PPP1R9A: variants seen among roughly 807,000 people sequenced by gnomAD.
PPP1R9A encodes neurabin-1.
A neutral mutation model predicts 141.9 loss-of-function variants in PPP1R9A; 59 were observed. The observed-to-expected ratio is 0.42, with a 90% CI of 0.34 to 0.52. The LOEUF is 0.52. Among genes scored for constraint, PPP1R9A ranks in the 20% least tolerant of loss-of-function variants. PPP1R9A has a pLI of 0.10. For missense variants in PPP1R9A, 1,444 were observed against 1,611.9 expected (o/e 0.90, Z 1.78); for synonymous variants, 500 against 569.7 (o/e 0.88, Z 1.74).
chr7:95,076,109 C>A (rs190383349), intron 2 of PPP1R9A, among the ~76,000 whole-genome samples: 52 of 152,200 alleles, frequency 3.4e-4, no homozygotes, highest in Admixed American at 3.0e-3. Context: ...CACTCTGTTG[C>A]CCAGTCTAGT....
chr7:95,097,467 C>T (rs111692147), intron 2 of PPP1R9A, among the ~76,000 whole-genome samples: 1,709 of 152,308 alleles, frequency 0.011, 16 homozygotes, highest in Non-Finnish European at 0.018. Context: ...TTCACAGGCT[C>T]AGTAGTTTGA....
At position 94,910,379 on chromosome 7, in the gene PPP1R9A, G is replaced by C. The variant is rs1490109177; in HGVS notation, c.266G>C (p.Gly89Ala). ...ENAAVIAKTR[G>A]KGGHSSPQRR... ...GCTGCAGTCATTGCCAAAACAAGGG[G>C]GAAAGGTGGACATTCATCTCCTCAG... The change falls in exon 2 of 20, where the codon GGG (glycine) becomes GCG (alanine). Residue 89 changes from glycine (G) to alanine (A), a missense_variant. Gly to Ala is a moderately conservative substitution (Grantham distance 60). This residue lies in a region of PPP1R9A where 490 missense variants were observed against 521.1 expected (regional missense o/e 0.94). Coordinates refer to ENST00000433360, the MANE Select transcript of PPP1R9A (RefSeq NM_001166160.2). The surrounding 1 kb of genome is among the most constrained non-coding windows in gnomAD (Gnocchi z 4.5). 1.2e-6 allele frequency: 2 copies of C among 1,614,090 alleles called. No homozygotes were observed. Among genetic ancestry groups the C allele is most frequent in the Non-Finnish European group, 8.5e-7 (1 of 1,180,034 alleles).
At chr7:95,228,528 T>G (rs941323276) in intron 8 of PPP1R9A, among the ~76,000 whole-genome samples, 1 of 152,194 alleles carries the variant, frequency 6.6e-6, no homozygotes, top group Non-Finnish European at 1.5e-5. Context: ...TCTGAACTGC[T>G]TATGGCTTCA....
chr7:95,226,232 C>T (rs1195275700), intron 8 of PPP1R9A, 116 bp downstream of exon 8: 1 of 1,071,596 alleles, frequency 9.3e-7, no homozygotes, highest in Non-Finnish European at 1.3e-6. Flanking sequence ...TTTTTAATAA[C>T]AGGTTGTCTT....
chr7:95,045,668 A>G (rs1218781756), intron 2 of PPP1R9A, among the ~76,000 whole-genome samples: 3 of 152,154 alleles, frequency 2.0e-5, no homozygotes, highest in Admixed American at 6.5e-5. Context: ...ACCAATGATC[A>G]TTTTTAGAGA....
chr7:94,929,631 A>T (rs757351508), intron 2 of PPP1R9A, among the ~76,000 whole-genome samples: 2 of 152,142 alleles, frequency 1.3e-5, no homozygotes, highest in Non-Finnish European at 2.9e-5. Flanking sequence ...TTTGTGCTAG[A>T]CTTAGTTTGC....
At chr7:95,082,500 G>A (rs1816011531) in intron 2 of PPP1R9A, among the ~76,000 whole-genome samples, 1 of 151,978 alleles carries the variant, frequency 6.6e-6, no homozygotes, top group Admixed American at 6.5e-5. Context: ...AGCACTTTGG[G>A]AGGCCAAGTC....
intron 2 of PPP1R9A, among the ~76,000 whole-genome samples, chr7:95,014,291 A>G (rs994249849): frequency 6.6e-6 from 1 of 152,032 alleles, no homozygotes; most frequent in Non-Finnish European, 1.5e-5. Context: ...TTAATTTGGA[A>G]GAGTTCCTTA....
chr7:95,010,861 T>C (rs1170684089), intron 2 of PPP1R9A, among the ~76,000 whole-genome samples: 1 of 152,190 alleles, frequency 6.6e-6, no homozygotes, highest in Non-Finnish European at 1.5e-5. Flanking sequence ...AGGGGAGCAG[T>C]ATTCTTATAT....
chr7:95,136,495 A>G (rs1825688278), intron 4 of PPP1R9A, among the ~76,000 whole-genome samples: 1 of 152,222 alleles, frequency 6.6e-6, no homozygotes, highest in Non-Finnish European at 1.5e-5. Context: ...TAAAGTTAAA[A>G]ATGGTATTAA....
rs374160689 is a variant in PPP1R9A at position 95,250,262 on chromosome 7, C to T, written c.2396+7C>T. ...TCAAGGATTTTCAACAAAAGTAAGC[C>T]GCTTCTAATAACTAAAGAATAGTTA... On this transcript the variant is annotated splice_region_variant and intron_variant, in intron 10 of 19. Transcript: ENST00000433360. 28 of 1,592,788 alleles carry T rather than the reference C, an allele frequency of 1.8e-5. No individual in the cohort carries two copies. Among genetic ancestry groups the T allele is most frequent in the Middle Eastern group, 1.7e-4 (1 of 5,992 alleles).
At chr7:95,190,658 C>T (rs1272430044) in intron 5 of PPP1R9A, among the ~76,000 whole-genome samples, 1 of 152,226 alleles carries the variant, frequency 6.6e-6, no homozygotes, top group Non-Finnish European at 1.5e-5. Flanking sequence ...CGGCCTCCAT[C>T]CAGGAGGTGG....
chr7:94,920,887 C>T (rs539770558), intron 2 of PPP1R9A, among the ~76,000 whole-genome samples: 11 of 152,142 alleles, frequency 7.2e-5, no homozygotes, highest in South Asian at 4.1e-4. Flanking sequence ...GAGTCTGTTG[C>T]TGTATAGTAA....
At chr7:95,259,717 A>T (rs942878476) in intron 12 of PPP1R9A, among the ~76,000 whole-genome samples, 9 of 152,164 alleles carry the variant, frequency 5.9e-5, no homozygotes, top group African/African-American at 2.2e-4. Flanking sequence ...TAAAGGCATG[A>T]TTAAAGCCAG....
intron 2 of PPP1R9A, among the ~76,000 whole-genome samples, chr7:94,988,571 T>A (rs1025865319): frequency 3.3e-5 from 5 of 152,032 alleles, no homozygotes; most frequent in Middle Eastern, 3.2e-3. Flanking sequence ...GAAACAGAAT[T>A]TGAGTGTCTG....
intron 7 of PPP1R9A, among the ~76,000 whole-genome samples, chr7:95,224,120 C>T (rs983283006): frequency 1.3e-5 from 2 of 152,098 alleles, no homozygotes; most frequent in Non-Finnish European, 2.9e-5. Context: ...GCTACCTTCA[C>T]CTGCCAGTGG....
At chr7:95,204,661 TCCACACACACA>T (rs201771965) in intron 7 of PPP1R9A, among the ~76,000 whole-genome samples, 10,751 of 72,086 alleles carry the variant, frequency 0.15, 959 homozygotes, top group African/African-American at 0.35. Context: ...ACCACACATA[TCCACACACACA>T]CCACACACAC....
intron 2 of PPP1R9A, among the ~76,000 whole-genome samples, chr7:95,059,154 C>G (rs1811887031): frequency 6.6e-6 from 1 of 151,940 alleles, no homozygotes; most frequent in Non-Finnish European, 1.5e-5. Flanking sequence ...TTTTCCATTT[C>G]CAATTGCCAT....
chr7:94,968,397 C>T (rs1187848448), intron 2 of PPP1R9A, among the ~76,000 whole-genome samples: 2 of 152,146 alleles, frequency 1.3e-5, no homozygotes, highest in African/African-American at 4.8e-5. Flanking sequence ...TGGTCTCGAT[C>T]TCCTGACCTC....
Sources: allele counts gnomAD v4.1 joint callset (sites outside exome capture counted in the v4.1 genomes callset), GRCh38; gene constraint gnomAD v4.1.1; regional missense constraint gnomAD v4.1.1; non-coding constraint Gnocchi (gnomAD v3.1); transcripts MANE v1.5; gene names NCBI Gene and HGNC (gene_info 2026-07-23, HGNC 2026-07-21).